DLG2: variants seen among roughly 807,000 people sequenced by gnomAD.
The protein encoded by DLG2 is disks large homolog 2.
A neutral mutation model predicts 132.5 loss-of-function variants in DLG2; 45 were observed. The ratio of observed to expected loss-of-function variants is 0.34; its 90% CI spans 0.27 to 0.44. The LOEUF (loss-of-function observed/expected upper bound fraction) is 0.44, where lower values mean the gene tolerates loss of function less well. DLG2 is among the 20% of genes least tolerant of loss of function. The probability of loss-of-function intolerance (pLI) is 1.00; values close to 1 mark genes in which losing one functional copy is unlikely to be tolerated. For synonymous variants in DLG2, 424 were observed against 419.6 expected (o/e 1.01, Z -0.13); for missense variants, 1,045 against 1,196.9 (o/e 0.87, Z 1.87).
At chr11:85,166,635 C>G (rs1346796718) in intron 4 of DLG2, among the ~76,000 whole-genome samples, 1 of 151,928 alleles carries the variant, frequency 6.6e-6, no homozygotes, top group African/African-American at 2.4e-5. Flanking sequence ...TTAGGAACAA[C>G]CTAGAATATA....
chr11:85,437,501 T>C (rs2091552487), intron 3 of DLG2, among the ~76,000 whole-genome samples: 1 of 152,116 alleles, frequency 6.6e-6, no homozygotes, highest in Non-Finnish European at 1.5e-5. Flanking sequence ...CCCAGGGTCT[T>C]TGCTAAGTAT....
At chr11:83,866,190 C>A (rs553829967) in intron 16 of DLG2, among the ~76,000 whole-genome samples, 1 of 152,078 alleles carries the variant, frequency 6.6e-6, no homozygotes, top group African/African-American at 2.4e-5. Context: ...GTCTGCTTTG[C>A]TCATCATTAT....
intron 6 of DLG2, among the ~76,000 whole-genome samples, chr11:85,025,363 T>C (rs1053127710): frequency 6.6e-6 from 1 of 152,200 alleles, no homozygotes; most frequent in African/African-American, 2.4e-5. Context: ...AGAAGTGTTG[T>C]TGGAGTCTGA....
chr11:84,747,915 G>C (rs1248146216), intron 6 of DLG2, among the ~76,000 whole-genome samples: 2 of 152,124 alleles, frequency 1.3e-5, no homozygotes, highest in South Asian at 2.1e-4. Flanking sequence ...ACAACAGCCA[G>C]GCCCCACTTA....
intron 7 of DLG2, among the ~76,000 whole-genome samples, chr11:84,423,402 T>C (rs1447848728): frequency 1.3e-5 from 2 of 152,198 alleles, no homozygotes; most frequent in African/African-American, 2.4e-5. Context: ...ACTTGTCTAC[T>C]GTAACTGATG....
At chr11:85,346,249 G>A (rs1180976661) in intron 3 of DLG2, among the ~76,000 whole-genome samples, 1 of 151,146 alleles carries the variant, frequency 6.6e-6, no homozygotes, top group African/African-American at 2.4e-5. Context: ...GTGCAGTGGC[G>A]CTATCTCGGC....
intron 3 of DLG2, among the ~76,000 whole-genome samples, chr11:85,489,421 A>T (rs115374692): frequency 1.2e-3 from 176 of 152,302 alleles, no homozygotes; most frequent in African/African-American, 4.1e-3. Flanking sequence ...AACAAATATT[A>T]TTAGACCTAC....
At chr11:84,690,547 A>T (rs939436779) in intron 6 of DLG2, among the ~76,000 whole-genome samples, 2 of 151,936 alleles carry the variant, frequency 1.3e-5, no homozygotes, top group African/African-American at 2.4e-5. Flanking sequence ...GAAAGAAATT[A>T]AAAAATTTTA....
intron 8 of DLG2, among the ~76,000 whole-genome samples, chr11:84,213,880 C>T (rs1459473906): frequency 6.9e-6 from 1 of 143,992 alleles, no homozygotes; most frequent in African/African-American, 2.5e-5. Flanking sequence ...TTCCTATACA[C>T]AATAAAGTCT....
chr11:83,491,783 C>G lies in DLG2; in HGVS notation c.2194-7555G>C, dbSNP rs189641697. Among the ~76,000 whole-genome samples, 304 of 152,022 alleles carry G rather than the reference C, an allele frequency of 2.0e-3. 2 individuals are homozygous for G. The highest frequency in any genetic ancestry group is 6.8e-3 in the African/African-American group (282 of 41,474). ...CAAGGAAATAGAGACCTTCTCTTCTCTCTCATCTTGCACCCTTCTCCAGCC... is the reference window on the plus strand; with the variant it reads ...CAAGGAAATAGAGACCTTCTCTTCTGTCTCATCTTGCACCCTTCTCCAGCC... On this transcript the variant is annotated intron_variant, in intron 21 of 27. Transcript: ENST00000376104.
chr11:83,791,055 A>C lies in DLG2; in HGVS notation c.1723-4263T>G, dbSNP rs1594438502. 1.3e-5 allele frequency: 9 copies of C among 719,804 alleles called. No individual in the cohort carries two copies. In the Admixed American group the frequency reaches 2.1e-4, roughly 17 times the overall value. The allele number at this position is 719,804 out of a possible 1,614,324, so 44.6% of individuals were successfully genotyped here. On this transcript the variant is annotated intron_variant, in intron 17 of 27. Coordinates refer to ENST00000376104, the MANE Select transcript of DLG2 (RefSeq NM_001142699.3). ...CGCGGTCTCAGACTGAAGGTCGTGG[A>C]AATCCTTTCGGACGCCATTCAGGGG... is the stretch of plus-strand genomic sequence containing the variant.
At chr11:84,010,954 C>T (rs1014791819) in intron 11 of DLG2, among the ~76,000 whole-genome samples, 1 of 152,084 alleles carries the variant, frequency 6.6e-6, no homozygotes, top group African/African-American at 2.4e-5. Flanking sequence ...TAAGCAATTA[C>T]TTTCCTGTAT....
intron 7 of DLG2, among the ~76,000 whole-genome samples, chr11:84,479,103 T>C (rs2099129843): frequency 6.6e-6 from 1 of 152,108 alleles, no homozygotes; most frequent in Non-Finnish European, 1.5e-5. Context: ...GAAAAGTGAC[T>C]TCTTTAATAA....
intron 21 of DLG2, among the ~76,000 whole-genome samples, chr11:83,501,379 G>A (rs962180537): frequency 6.6e-6 from 1 of 152,132 alleles, no homozygotes; most frequent in Non-Finnish European, 1.5e-5. Context: ...ACTGATCAGT[G>A]TTGGGCAGGG....
chr11:83,685,863 C>A (rs569434178), intron 18 of DLG2, among the ~76,000 whole-genome samples: 4 of 152,186 alleles, frequency 2.6e-5, no homozygotes, highest in African/African-American at 9.6e-5. Flanking sequence ...CCAGTATGCA[C>A]CATTTAAATA....
intron 7 of DLG2, among the ~76,000 whole-genome samples, chr11:84,486,980 A>G (rs1168405415): frequency 6.6e-6 from 1 of 152,174 alleles, no homozygotes; most frequent in African/African-American, 2.4e-5. Flanking sequence ...GCCAACAAAA[A>G]TAATGGTAAG....
intron 14 of DLG2, among the ~76,000 whole-genome samples, chr11:83,945,279 T>C (rs2083564140): frequency 6.6e-6 from 1 of 152,090 alleles, no homozygotes. Context: ...GTCTCAAAAA[T>C]AAATAAATAC....
At chr11:83,783,654 T>C (rs1217351459) in intron 18 of DLG2, among the ~76,000 whole-genome samples, 1 of 152,170 alleles carries the variant, frequency 6.6e-6, no homozygotes, top group African/African-American at 2.4e-5. Context: ...CAGCTACCTA[T>C]ATTTTGTTAA....
chr11:84,851,398 C>G (rs1286560482), intron 6 of DLG2, among the ~76,000 whole-genome samples: 1 of 151,976 alleles, frequency 6.6e-6, no homozygotes, highest in Non-Finnish European at 1.5e-5. Flanking sequence ...GGCTCTGGTC[C>G]CTTGACATAT....
Sources: gnomAD v4.1 joint callset for allele counts (sites outside exome capture counted in the v4.1 genomes callset) on GRCh38, gnomAD v4.1.1 for gene constraint, MANE v1.5 for transcripts, NCBI Gene and HGNC (gene_info 2026-07-23, HGNC 2026-07-21) for gene names.